Variants in CNTN5 observed in about 807,000 individuals in gnomAD.
CNTN5 encodes the protein contactin 5.
Under a neutral mutation model 129.1 loss-of-function variants are expected in CNTN5, and 77 were observed. The ratio of observed to expected loss-of-function variants is 0.60; its 90% CI spans 0.50 to 0.72. CNTN5 has a LOEUF of 0.72. Among genes scored for constraint, CNTN5 ranks in the 30% least tolerant of loss-of-function variants. The pLI is 0.00. For synonymous variants in CNTN5, 509 were observed against 465.6 expected (o/e 1.09, Z -1.20); for missense variants, 1,478 against 1,328.8 (o/e 1.11, Z -1.75).
At chr11:99,585,401 G>C (rs1949760851) in intron 3 of CNTN5, among the ~76,000 whole-genome samples, 1 of 152,068 alleles carries the variant, frequency 6.6e-6, no homozygotes, top group Non-Finnish European at 1.5e-5. Flanking sequence ...GGATCTAGCT[G>C]TTTTCTATTA....
intron 16 of CNTN5, among the ~76,000 whole-genome samples, chr11:100,246,560 AT>A (rs1949845382): frequency 6.6e-6 from 1 of 152,164 alleles, no homozygotes; most frequent in East Asian, 1.9e-4. Flanking sequence ...CATACCAGAA[AT>A]TCTGTTGCTC....
chr11:99,775,641 A>G (rs1945097622), intron 3 of CNTN5, among the ~76,000 whole-genome samples: 1 of 152,170 alleles, frequency 6.6e-6, no homozygotes, highest in South Asian at 2.1e-4. Context: ...GGGCATATGC[A>G]AAACTATTGG....
intron 8 of CNTN5, among the ~76,000 whole-genome samples, chr11:99,984,543 G>A (rs1938553312): frequency 6.6e-6 from 1 of 151,946 alleles, no homozygotes; most frequent in African/African-American, 2.4e-5. Flanking sequence ...TTTGAGGGGT[G>A]GGGGTTGGCT....
chr11:100,060,006 C>T (rs992091413), intron 9 of CNTN5, among the ~76,000 whole-genome samples: 1 of 151,728 alleles, frequency 6.6e-6, no homozygotes, highest in Non-Finnish European at 1.5e-5. Flanking sequence ...GTCAGGAGTT[C>T]GAAAACAGCC....
chr11:99,109,592 G>A (rs111844239), intron 1 of CNTN5, among the ~76,000 whole-genome samples: 5,317 of 152,118 alleles, frequency 0.035, 118 homozygotes, highest in South Asian at 0.069. Context: ...TAAGCAAAGT[G>A]TGTCTGAAGA....
intron 1 of CNTN5, among the ~76,000 whole-genome samples, chr11:99,171,874 A>C (rs1861165014): frequency 6.6e-6 from 1 of 152,166 alleles, no homozygotes; most frequent in Non-Finnish European, 1.5e-5. Context: ...TGAGGATTTT[A>C]GTCCCAGAGA....
rs558370344 is a variant in CNTN5, at chr11:99,857,603, TTAA to T, written c.577+12345_577+12347del. Among the ~76,000 whole-genome samples, 171 of 152,272 alleles carry T rather than the reference TTAA, an allele frequency of 1.1e-3. 2 individuals are homozygous for T. The highest frequency in any genetic ancestry group is 6.8e-3 in the East Asian group (35 of 5,184). ...ATTAATGTTAATATCAATACAAATG[TTAA>T]TAACCATTTTAATGCAGTAATAATA... On this transcript the variant is annotated intron_variant, in intron 6 of 24. Transcript: ENST00000524871.
Position 99,619,028 on chromosome 11 carries a change from C to A in CNTN5, c.55+62759C>A, listed in dbSNP as rs151040804. On this transcript the variant is annotated intron_variant, in intron 3 of 24. Coordinates refer to ENST00000524871, the MANE Select transcript of CNTN5 (RefSeq NM_014361.4). ...ATCATGTAGTGAATAAAATAATAGA[C>A]ATTTCAATGAAAGCTTATAAAATCA... Among the ~76,000 whole-genome samples, 1,008 of 152,098 alleles carry A rather than the reference C, an allele frequency of 6.6e-3. 15 individuals carry two copies. The highest frequency in any genetic ancestry group is 0.023 in the African/African-American group (972 of 41,480).
intron 3 of CNTN5, among the ~76,000 whole-genome samples, chr11:99,790,440 G>A (rs1412363231): frequency 6.6e-6 from 1 of 151,936 alleles, no homozygotes; most frequent in Non-Finnish European, 1.5e-5. Context: ...TTCTGTTCCA[G>A]CATTAGTTGG....
chr11:99,357,549 T>G (rs1938766847), intron 2 of CNTN5, among the ~76,000 whole-genome samples: 1 of 146,140 alleles, frequency 6.8e-6, no homozygotes, highest in East Asian at 2.0e-4. Context: ...GCATTGATAA[T>G]GATAACAGAG....
At chr11:99,498,949 G>C (rs1946328729) in intron 2 of CNTN5, among the ~76,000 whole-genome samples, 1 of 152,116 alleles carries the variant, frequency 6.6e-6, no homozygotes, top group Non-Finnish European at 1.5e-5. Context: ...GTTTGGTAAA[G>C]CAAAATTCCA....
At chr11:100,277,162 T>C (rs891604094) in intron 18 of CNTN5, among the ~76,000 whole-genome samples, 2 of 152,222 alleles carry the variant, frequency 1.3e-5, no homozygotes, top group Admixed American at 6.5e-5. Context: ...TTTCATTCTT[T>C]TGTATGGCTC....
chr11:100,296,677 A>G (rs1951105879), intron 18 of CNTN5, among the ~76,000 whole-genome samples: 2 of 151,544 alleles, frequency 1.3e-5, no homozygotes, highest in Non-Finnish European at 3.0e-5. Context: ...CCCAAGGAGA[A>G]TTTGTTTTCT....
chr11:99,268,427 TA>T (rs1304428410), intron 1 of CNTN5, among the ~76,000 whole-genome samples: 1 of 151,638 alleles, frequency 6.6e-6, no homozygotes, highest in Non-Finnish European at 1.5e-5. Context: ...GTAATAATTA[TA>T]ATATTAGATC....
intron 2 of CNTN5, among the ~76,000 whole-genome samples, chr11:99,455,459 C>A (rs1244672039): frequency 8.7e-5 from 13 of 148,634 alleles, no homozygotes; most frequent in African/African-American, 3.0e-4. Flanking sequence ...TTAAAAAAAA[C>A]ATAAGAATTA....
intron 3 of CNTN5, among the ~76,000 whole-genome samples, chr11:99,616,113 TTA>T (rs1438964158): frequency 2.0e-5 from 3 of 152,170 alleles, no homozygotes; most frequent in African/African-American, 7.2e-5. Flanking sequence ...CTGTGCAACT[TTA>T]TGACATTTAT....
chr11:100,102,361 C>A (rs1296696874), intron 13 of CNTN5, among the ~76,000 whole-genome samples: 1 of 151,768 alleles, frequency 6.6e-6, no homozygotes, highest in South Asian at 2.1e-4. Context: ...GTTTGTGTAT[C>A]TTCTTTTGAG....
intron 2 of CNTN5, among the ~76,000 whole-genome samples, chr11:99,424,142 T>C (rs73536928): frequency 0.034 from 5,152 of 152,210 alleles, 292 homozygotes; most frequent in African/African-American, 0.12. Context: ...AACAATAACC[T>C]AATAATAAAA....
intron 13 of CNTN5, among the ~76,000 whole-genome samples, chr11:100,080,116 T>C (rs976011420): frequency 3.9e-5 from 6 of 152,188 alleles, no homozygotes; most frequent in African/African-American, 1.4e-4. Flanking sequence ...TCATAGAATG[T>C]CATATATGTT....
Sources: allele counts gnomAD v4.1 joint callset (sites outside exome capture counted in the v4.1 genomes callset), GRCh38; gene constraint gnomAD v4.1.1; transcripts MANE v1.5; gene names NCBI Gene and HGNC (gene_info 2026-07-23, HGNC 2026-07-21).